The following PUM3 variants were observed in gnomAD, a reference collection of about 807,000 sequenced individuals.
PUM3 encodes pumilio homolog 3.
PUM3 carries 91 observed loss-of-function variants against 84.0 expected under a neutral mutation model. The observed-to-expected ratio is 1.08, with a 90% CI of 0.91 to 1.29. The LOEUF is 1.29. PUM3 is among the 50% of genes most tolerant of loss of function. The probability of loss-of-function intolerance (pLI) is 0.00; values close to 1 mark genes in which losing one functional copy is unlikely to be tolerated. For missense variants in PUM3, 1,067 were observed against 767.5 expected (o/e 1.39, Z -4.61); for synonymous variants, 321 against 266.7 (o/e 1.20, Z -1.98).
In PUM3 at chr9:2,830,985, A is replaced by C. The variant is rs762154576; in HGVS notation, c.654T>G (p.Ile218Met). 1.3e-6 allele frequency: 2 copies of C among 1,487,484 alleles called. No individual in the cohort carries two copies. Among genetic ancestry groups the C allele is most frequent in the Non-Finnish European group, 9.3e-7 (1 of 1,072,046 alleles). The allele number at this position is 1,487,484 out of a possible 1,614,324, so 92.1% of individuals were successfully genotyped here. A position where few individuals can be genotyped will look rare whatever the true frequency, so the allele number is the denominator to read the frequency against. Residue 218 changes from isoleucine (I) to methionine (M), a missense_variant, in exon 7 of 18, where the codon ATT becomes ATG. By Grantham distance (10) the Ile-to-Met change is conservative. Coordinates refer to ENST00000397885, the MANE Select transcript of PUM3 (RefSeq NM_014878.5). ...ELSKAKYSRN[I>M]VKKFLMYGSK... is the part of the protein sequence containing the mutation. ...ACCCATACATGAGAAATTTCTTAAC[A>C]ATATTTCTCGAATATTTGGCTTTAC...
chr9:2,806,275 T>G (rs533483526), intron 17 of PUM3, among the ~76,000 whole-genome samples: 1 of 152,258 alleles, frequency 6.6e-6, no homozygotes, highest in Admixed American at 6.5e-5. Context: ...ATGTATCAGC[T>G]AACGAATTCT....
At chr9:2,838,555 A>G (rs769542824) in intron 1 of PUM3, 38 bp from the exon 2 acceptor site, 26 of 1,234,958 alleles carry the variant, frequency 2.1e-5, no homozygotes, top group South Asian at 3.6e-5. Context: ...CAATCACTGC[A>G]GTTCTCTTCA....
chr9:2,832,347 C>T (rs759304375), intron 5 of PUM3, among the ~76,000 whole-genome samples: 17 of 152,104 alleles, frequency 1.1e-4, no homozygotes, highest in Admixed American at 7.2e-4. Context: ...AGAAGGAACT[C>T]GCTATCTCTA....
intron 13 of PUM3, among the ~76,000 whole-genome samples, chr9:2,815,310 C>G (rs991740527): frequency 3.9e-5 from 6 of 152,168 alleles, no homozygotes; most frequent in African/African-American, 1.2e-4. Flanking sequence ...CAGCTTTCCC[C>G]TACCATCAAA....
intron 17 of PUM3, among the ~76,000 whole-genome samples, chr9:2,805,551 G>C (rs1471003470): frequency 6.6e-6 from 1 of 152,138 alleles, no homozygotes; most frequent in African/African-American, 2.4e-5. Flanking sequence ...ACTGCTTATG[G>C]GAGATAAGAA....
intron 5 of PUM3, 24 bp downstream of exon 5, chr9:2,833,333 C>G: frequency 7.4e-7 from 1 of 1,346,808 alleles, no homozygotes; most frequent in Non-Finnish European, 1.0e-6. Context: ...TTAAAAATTG[C>G]AACAATGAGT....
rs201744601 is a variant in PUM3, at chr9:2,811,475, C to T, written c.1521G>A (p.Ala507=). ...CCAGAATGTCAGACACCAACACACA[C>T]GCAGACTTATCTAGCACCACTTCTT... The part of the protein sequence containing the change: ...HAQEVVLDKS[A]CVLVSDILGS... The change falls in exon 15 of 18, where the codon GCG becomes GCA. Residue 507 remains alanine (A), a synonymous_variant. Coordinates refer to ENST00000397885, the MANE Select transcript of PUM3 (RefSeq NM_014878.5). The T allele has an allele frequency of 9.2e-5, 148 of 1,614,154 alleles. No homozygotes were observed. Among genetic ancestry groups the T allele is most frequent in the Middle Eastern group, 1.6e-4 (1 of 6,062 alleles).
intron 1 of PUM3, among the ~76,000 whole-genome samples, chr9:2,838,925 G>A (rs1816201203): frequency 6.6e-6 from 1 of 152,134 alleles, no homozygotes; most frequent in Admixed American, 6.5e-5. Flanking sequence ...AGCCTAAAAA[G>A]CCAGGAACAA....
intron 10 of PUM3, 134 bp downstream of exon 10, chr9:2,826,939 G>C (rs1486052110): frequency 4.4e-6 from 3 of 675,164 alleles, no homozygotes; most frequent in African/African-American, 3.7e-5. Context: ...AAAGGGAGTT[G>C]AGTAAATTAT....
intron 13 of PUM3, among the ~76,000 whole-genome samples, chr9:2,816,796 T>C (rs1352149888): frequency 6.6e-6 from 1 of 152,184 alleles, no homozygotes; most frequent in Non-Finnish European, 1.5e-5. Context: ...GTTGAGTGGG[T>C]GGGGAGACCA....
At chr9:2,807,752 G>A (rs1005359686) in intron 17 of PUM3, 62 bp downstream of exon 17, 1 of 1,036,862 alleles carries the variant, frequency 9.6e-7, no homozygotes, top group African/African-American at 1.6e-5. Context: ...AAATCAACGT[G>A]AAGGAAGTGT....
At position 2,820,110 on chromosome 9, in the gene PUM3, G is replaced by C; in HGVS notation, c.1189-12C>G. ...TGGGAGTATTGGCCCTGCAAGAATT[G>C]GAAGCCAGCAAAGGTTAAAAACAAG... is the stretch of plus-strand genomic sequence containing the variant. On this transcript the variant is annotated splice_polypyrimidine_tract_variant and intron_variant, in intron 12 of 17. Coordinates refer to ENST00000397885, the MANE Select transcript of PUM3 (RefSeq NM_014878.5). 1 of 1,587,386 alleles carries C rather than the reference G, an allele frequency of 6.3e-7. No individual in the cohort carries two copies. Among genetic ancestry groups the C allele is most frequent in the Non-Finnish European group, 8.6e-7 (1 of 1,157,462 alleles).
intron 14 of PUM3, 31 bp from the exon 15 acceptor site, chr9:2,811,614 T>A (rs745637752): frequency 4.5e-6 from 7 of 1,549,894 alleles, no homozygotes; most frequent in Non-Finnish European, 6.2e-6. Context: ...GGTATTAAGG[T>A]AAGATAAATC....
chr9:2,810,878 G>C (rs1299586460), intron 15 of PUM3, among the ~76,000 whole-genome samples: 1 of 152,218 alleles, frequency 6.6e-6, no homozygotes, highest in Admixed American at 6.5e-5. Flanking sequence ...AGCGAATCAA[G>C]AAAGCATCTT....
Position 2,820,029 on chromosome 9 carries a change from T to C in PUM3, c.1258A>G (p.Ile420Val), listed in dbSNP as rs1053976555. ...TCAGGATTACTTACTGATATGATTA[T>C]CTGCTTCACAAGCTTAGTATCATCA... ...CIDDTKLVKQ[I>V]IISEIISSLP... The change falls in exon 13 of 18, where the codon ATA becomes GTA. Residue 420 changes from isoleucine (I) to valine (V), a missense_variant. Coordinates refer to ENST00000397885, the MANE Select transcript of PUM3 (RefSeq NM_014878.5). The C allele has an allele frequency of 1.8e-5, 29 of 1,606,714 alleles. No individual in the cohort carries two copies. The highest frequency in any genetic ancestry group is 2.4e-5 in the Non-Finnish European group (28 of 1,173,684).
At chr9:2,838,930 G>C (rs1444418872) in intron 1 of PUM3, among the ~76,000 whole-genome samples, 2 of 152,040 alleles carry the variant, frequency 1.3e-5, no homozygotes, top group Non-Finnish European at 2.9e-5. Flanking sequence ...AAAAAGCCAG[G>C]AACAAACAAT....
chr9:2,828,066 G>C (rs752944187), intron 9 of PUM3, among the ~76,000 whole-genome samples: 1 of 151,980 alleles, frequency 6.6e-6, no homozygotes, highest in Non-Finnish European at 1.5e-5. Flanking sequence ...TTAAAGCAAG[G>C]TCTCACTCTG....
At position 2,831,029 on chromosome 9, in the gene PUM3, C is replaced by A; in HGVS notation, c.611-1G>T. The A allele has an allele frequency of 6.9e-7, 1 of 1,454,158 alleles. No individual in the cohort carries two copies. The highest frequency in any genetic ancestry group is 2.3e-5 in the East Asian group (1 of 43,986). 90.1% of individuals were successfully genotyped at this position (1,454,158 alleles called of 1,614,324 possible). On this transcript the variant is annotated splice_acceptor_variant, in intron 6 of 17. Transcript: ENST00000397885. LOFTEE classifies it high-confidence loss of function. Reference sequence around the variant, plus strand: ...GCTTTACTTAACTCAACCAAATCATCTGAAAAACAAAAATACATTACAGTG... The same window carrying A: ...GCTTTACTTAACTCAACCAAATCATATGAAAAACAAAAATACATTACAGTG...
intron 1 of PUM3, among the ~76,000 whole-genome samples, chr9:2,843,786 G>GA (rs1416476011): frequency 6.6e-6 from 1 of 151,882 alleles, no homozygotes; most frequent in Non-Finnish European, 1.5e-5. Flanking sequence ...CACCGTGTTA[G>GA]CCAGGATGGT....
Sources: allele counts gnomAD v4.1 joint callset (sites outside exome capture counted in the v4.1 genomes callset), GRCh38; gene constraint gnomAD v4.1.1; transcripts MANE v1.5; gene names NCBI Gene and HGNC (gene_info 2026-07-23, HGNC 2026-07-21).